CYP19A1: variants seen among roughly 807,000 people sequenced by gnomAD.
The protein encoded by CYP19A1 is aromatase.
Under a neutral mutation model 44.4 loss-of-function variants are expected in CYP19A1, and 32 were observed. The observed-to-expected ratio is 0.72, with a 90% confidence interval of 0.54 to 0.97. The LOEUF is 0.97. Among genes scored for constraint, CYP19A1 ranks in the 50% least tolerant of loss-of-function variants. The pLI is 0.00. For synonymous variants in CYP19A1, 212 were observed against 215.6 expected, an observed-to-expected ratio of 0.98 and a Z score of 0.14; for missense variants, 598 against 637.8, an observed-to-expected ratio of 0.94 and a Z score of 0.67.
At chr15:51,212,829 G>A (rs985696244) in intron 8 of CYP19A1, among the ~76,000 whole-genome samples, 4 of 152,186 alleles carry the variant, frequency 2.6e-5, no homozygotes, top group African/African-American at 9.7e-5. Flanking sequence ...TGGTGATGCT[G>A]AACTTACATT....
chr15:51,247,986 A>G (rs2034140859), intron 1 of CYP19A1, among the ~76,000 whole-genome samples: 2 of 152,162 alleles, frequency 1.3e-5, no homozygotes, highest in Admixed American at 1.3e-4. Flanking sequence ...AGATCAAAGC[A>G]TATCTCAGTG....
At chr15:51,311,215 T>C (rs2036304230) in intron 1 of CYP19A1, among the ~76,000 whole-genome samples, 1 of 150,668 alleles carries the variant, frequency 6.6e-6, no homozygotes, top group South Asian at 2.1e-4. Context: ...CTGCGTGACA[T>C]AAAGGTGAAT....
chr15:51,298,726 A>G (rs1294361782), intron 1 of CYP19A1, among the ~76,000 whole-genome samples: 3 of 152,176 alleles, frequency 2.0e-5, no homozygotes, highest in African/African-American at 7.2e-5. Flanking sequence ...TTTCTGAGGA[A>G]CTCTTAGCAT....
At chr15:51,324,417 G>A (rs1473731438) in intron 1 of CYP19A1, among the ~76,000 whole-genome samples, 3 of 152,254 alleles carry the variant, frequency 2.0e-5, no homozygotes, top group East Asian at 1.9e-4. Flanking sequence ...AAACAAAGCC[G>A]ATTTATAGGC....
intron 1 of CYP19A1, among the ~76,000 whole-genome samples, chr15:51,243,828 C>G (rs1476110653): frequency 6.6e-6 from 1 of 152,240 alleles, no homozygotes; most frequent in African/African-American, 2.4e-5. Context: ...TGTTTTTCAA[C>G]ATGCCATTGA....
At chr15:51,317,708 A>G in intron 1 of CYP19A1, among the ~76,000 whole-genome samples, 1 of 152,180 alleles carries the variant, frequency 6.6e-6, no homozygotes, top group East Asian at 1.9e-4. Context: ...AATATGATGG[A>G]AGGTTCTTGA....
chr15:51,259,563 A>G (rs888582310), intron 1 of CYP19A1, among the ~76,000 whole-genome samples: 4 of 152,180 alleles, frequency 2.6e-5, no homozygotes, highest in African/African-American at 7.2e-5. Context: ...GGTCAGGGGA[A>G]GGGAGGGTGA....
intron 1 of CYP19A1, among the ~76,000 whole-genome samples, chr15:51,298,913 G>T (rs1052612155): frequency 2.4e-5 from 3 of 124,776 alleles, no homozygotes; most frequent in Non-Finnish European, 5.5e-5. Flanking sequence ...AGCAAAGCAG[G>T]CCTGAGCTCA....
chr15:51,331,594 G>A (rs1398907476), intron 1 of CYP19A1, among the ~76,000 whole-genome samples: 2 of 152,100 alleles, frequency 1.3e-5, no homozygotes, highest in Admixed American at 6.5e-5. Context: ...GGTTATTTAT[G>A]TGGTAGGACT....
chr15:51,307,608 C>T (rs191790969), intron 1 of CYP19A1, among the ~76,000 whole-genome samples: 6 of 152,186 alleles, frequency 3.9e-5, no homozygotes, highest in African/African-American at 1.4e-4. Flanking sequence ...CAGGTTGGTG[C>T]CAAAAGTGCT....
At position 51,328,547 on chromosome 15, in the gene CYP19A1, G is replaced by GGTGTGT. The variant is rs56202041; in HGVS notation, c.-39+9942_-39+9947dup. ...TGGGAATCCTGAGTTACAGGGCAGG[G>GGTGTGT]GTGTGTGTGTGTGTGTGTGTGTGTG... On this transcript the variant is annotated intron_variant, in intron 1 of 9. Transcript: ENST00000396402. 2.0e-3 allele frequency among the ~76,000 whole-genome samples: 297 copies of GGTGTGT among 147,420 alleles called. 2 individuals carry two copies. The highest frequency in any genetic ancestry group is 3.4e-3 in the African/African-American group (137 of 40,136).
intron 4 of CYP19A1, among the ~76,000 whole-genome samples, chr15:51,224,292 A>G (rs949873532): frequency 6.6e-6 from 1 of 152,192 alleles, no homozygotes; most frequent in Non-Finnish European, 1.5e-5. Flanking sequence ...ACTTTCCACT[A>G]TATCAGGAAA....
At chr15:51,335,140 G>A (rs2036756663) in intron 1 of CYP19A1, among the ~76,000 whole-genome samples, 1 of 141,436 alleles carries the variant, frequency 7.1e-6, no homozygotes, top group Non-Finnish European at 1.5e-5. Context: ...TGACAATTGG[G>A]TACACTACAC....
intron 3 of CYP19A1, among the ~76,000 whole-genome samples, chr15:51,236,017 C>T (rs1357306197): frequency 1.3e-5 from 2 of 152,164 alleles, no homozygotes; most frequent in African/African-American, 2.4e-5. Context: ...AAGTATTTCA[C>T]CAAACTAGTT....
intron 4 of CYP19A1, among the ~76,000 whole-genome samples, chr15:51,225,256 G>A (rs908000167): frequency 6.6e-6 from 1 of 152,138 alleles, no homozygotes; most frequent in Non-Finnish European, 1.5e-5. Context: ...TTAAACAAAT[G>A]GATGAACTTA....
chr15:51,258,935 C>G (rs2034615455), intron 1 of CYP19A1, among the ~76,000 whole-genome samples: 1 of 152,158 alleles, frequency 6.6e-6, no homozygotes, highest in African/African-American at 2.4e-5. Flanking sequence ...ACACATTCGA[C>G]AAAAGCTTGA....
chr15:51,211,088 A>T (rs571817175), intron 9 of CYP19A1, 32 bp from the exon 10 acceptor site: 2 of 1,457,874 alleles, frequency 1.4e-6, no homozygotes, highest in East Asian at 4.5e-5. Context: ...TAGCCAGAAT[A>T]TTAAAGGCTA....
intron 1 of CYP19A1, among the ~76,000 whole-genome samples, chr15:51,250,730 G>T (rs1264247058): frequency 6.6e-6 from 1 of 152,170 alleles, no homozygotes; most frequent in African/African-American, 2.4e-5. Flanking sequence ...TTTTTCTCAC[G>T]AGGAGTCTGA....
At chr15:51,305,963 C>T (rs771068352) in intron 1 of CYP19A1, among the ~76,000 whole-genome samples, 7 of 152,166 alleles carry the variant, frequency 4.6e-5, no homozygotes, top group Non-Finnish European at 8.8e-5. Context: ...AAGGATGCTA[C>T]ATCTGGGGCG....
Sources: allele counts gnomAD v4.1 joint callset (sites outside exome capture counted in the v4.1 genomes callset), GRCh38; gene constraint gnomAD v4.1.1; transcripts MANE v1.5; gene names NCBI Gene and HGNC (gene_info 2026-07-23, HGNC 2026-07-21).